APAF1: variants seen among roughly 807,000 people sequenced by gnomAD.
The protein encoded by APAF1 is apoptotic protease-activating factor 1.
Under a neutral mutation model 152.4 loss-of-function variants are expected in APAF1, and 91 were observed. The ratio of observed to expected loss-of-function variants is 0.60; its 90% CI spans 0.50 to 0.71. APAF1 has a LOEUF of 0.71. Among genes scored for constraint, APAF1 ranks in the 30% least tolerant of loss-of-function variants. The pLI, the probability that APAF1 is intolerant of heterozygous loss-of-function variation, is 0.00. For missense variants in APAF1, 1,283 were observed against 1,472.0 expected (o/e 0.87, Z 2.10); for synonymous variants, 484 against 494.1 (o/e 0.98, Z 0.27).
rs775507125 is a variant in APAF1, at chr12:98,662,491, G to C, written c.746G>C (p.Trp249Ser). The change falls in exon 6 of 27, where the codon TGG (tryptophan) becomes TCG (serine). Residue 249 changes from tryptophan to serine, a missense_variant. Transcript: ENST00000551964. The part of the protein sequence containing the change: ...LLILDDVWDS[W>S]VLKAFDSQCQ... ...ATCTTGGATGATGTTTGGGACTCTTGGGTGTTGAAAGCTTTTGACAGTCAG... is the reference window on the plus strand; with the variant it reads ...ATCTTGGATGATGTTTGGGACTCTTCGGTGTTGAAAGCTTTTGACAGTCAG... 1.7e-5 allele frequency: 28 copies of C among 1,613,392 alleles called. No homozygotes were observed. Among genetic ancestry groups the C allele is most frequent in the Non-Finnish European group, 2.2e-5 (26 of 1,179,678 alleles).
chr12:98,689,216 A>T (rs1045609845), intron 16 of APAF1, among the ~76,000 whole-genome samples: 17 of 152,198 alleles, frequency 1.1e-4, no homozygotes, highest in African/African-American at 4.1e-4. Context: ...TCATTCTGCC[A>T]CATCCTTTCC....
chr12:98,666,457 G>C, intron 9 of APAF1, 100 bp downstream of exon 9: 2 of 1,155,766 alleles, frequency 1.7e-6, no homozygotes, highest in African/African-American at 1.6e-5. Flanking sequence ...CTGTGCATAA[G>C]TCCTTCACCT....
At chr12:98,719,573 C>T (rs913316513) in intron 22 of APAF1, among the ~76,000 whole-genome samples, 23 of 150,832 alleles carry the variant, frequency 1.5e-4, no homozygotes, top group Non-Finnish European at 2.9e-4. Context: ...AGGATGGTCT[C>T]GATCTCTTGA....
chr12:98,667,013 G>A (rs2097673732), intron 9 of APAF1, among the ~76,000 whole-genome samples: 1 of 151,832 alleles, frequency 6.6e-6, no homozygotes, highest in Non-Finnish European at 1.5e-5. Flanking sequence ...TTTATTATGG[G>A]TGATGTTAAT....
chr12:98,669,684 C>A (rs929858623), intron 10 of APAF1, among the ~76,000 whole-genome samples: 1 of 152,136 alleles, frequency 6.6e-6, no homozygotes, highest in Non-Finnish European at 1.5e-5. Context: ...GCATATTCAT[C>A]TGGTTATTTT....
chr12:98,708,004 T>C (rs1333998363), intron 19 of APAF1, among the ~76,000 whole-genome samples: 1 of 152,182 alleles, frequency 6.6e-6, no homozygotes, highest in African/African-American at 2.4e-5. Context: ...TGGAGTGCAA[T>C]GGCACTATCT....
In APAF1 at chr12:98,666,220, G is replaced by C. The variant is rs2097672553; in HGVS notation, c.1225G>C (p.Glu409Gln). 1 of 1,613,826 alleles carries C rather than the reference G, an allele frequency of 6.2e-7. No individual in the cohort carries two copies. Among genetic ancestry groups the C allele is most frequent in the African/African-American group, 1.3e-5 (1 of 74,896 alleles). The change falls in exon 9 of 27, where the codon GAA (glutamate) becomes CAA (glutamine). Residue 409 changes from glutamate to glutamine, a missense_variant. Glu to Gln is a conservative substitution (Grantham distance 29). Transcript: ENST00000551964. ...VLCILWDMET[E>Q]EVEDILQEFV... ...ATGTATTCTCTGGGACATGGAAACTGAAGAAGTTGAAGACATACTGCAGGA... is the reference window on the plus strand; with the variant it reads ...ATGTATTCTCTGGGACATGGAAACTCAAGAAGTTGAAGACATACTGCAGGA...
In APAF1 at chr12:98,666,188, A is replaced by G. The variant is rs2097672509; in HGVS notation, c.1195-2A>G. Reference sequence around the variant, plus strand: ...ATATTAAATACTTACAACAATTCCTAGGTGTTATGTATTCTCTGGGACATG... The same window carrying G: ...ATATTAAATACTTACAACAATTCCTGGGTGTTATGTATTCTCTGGGACATG... On this transcript the variant is annotated splice_acceptor_variant, in intron 8 of 26. Transcript: ENST00000551964. LOFTEE classifies it high-confidence loss of function. 6.2e-7 allele frequency: 1 copy of G among 1,613,252 alleles called. No homozygotes were observed. The highest frequency in any genetic ancestry group is 8.5e-7 in the Non-Finnish European group (1 of 1,179,332).
Position 98,677,561 on chromosome 12 carries a change from A to G in APAF1, c.1920+10A>G, listed in dbSNP as rs751102050. The G allele has an allele frequency of 1.2e-6, 2 of 1,613,982 alleles. No homozygotes were observed. Among genetic ancestry groups the G allele is most frequent in the East Asian group, 4.5e-5 (2 of 44,888 alleles). ...TGATAAAACCTTACAGGTAAAACACATCTCTTGAGAAAAATGCAAAGAGGC... is the reference window on the plus strand; with the variant it reads ...TGATAAAACCTTACAGGTAAAACACGTCTCTTGAGAAAAATGCAAAGAGGC... On this transcript the variant is annotated intron_variant, in intron 13 of 26. Transcript: ENST00000551964.
chr12:98,722,683 T>C lies in APAF1; in HGVS notation c.3085-510T>C, dbSNP rs141253527. ...AACAATGCCTTCTCACTTCCGTCAT[T>C]TTGAGGATTGCGATGGGGGATAGCT... On this transcript the variant is annotated intron_variant, in intron 22 of 26. Coordinates refer to ENST00000551964, the MANE Select transcript of APAF1 (RefSeq NM_181861.2). Among the ~76,000 whole-genome samples, 139 of 152,212 alleles carry C rather than the reference T, an allele frequency of 9.1e-4. No homozygotes were observed. In the East Asian group the frequency reaches 0.023, roughly 26 times the overall value.
chr12:98,717,629 G>A (rs1198695880), intron 22 of APAF1, among the ~76,000 whole-genome samples: 1 of 152,046 alleles, frequency 6.6e-6, no homozygotes, highest in Non-Finnish European at 1.5e-5. Context: ...ACCCACCTTG[G>A]CCTCCCAATG....
At chr12:98,695,249 C>T (rs1176359451) in intron 16 of APAF1, among the ~76,000 whole-genome samples, 4 of 152,022 alleles carry the variant, frequency 2.6e-5, no homozygotes, top group Admixed American at 6.6e-5. Context: ...GACGGGATTT[C>T]ACCATGTTGG....
At position 98,648,834 on chromosome 12, in the gene APAF1, T is replaced by G. The variant is rs763317313; in HGVS notation, c.328+19T>G. The G allele has an allele frequency of 1.2e-6, 2 of 1,606,834 alleles. No individual in the cohort carries two copies. Among genetic ancestry groups the G allele is most frequent in the Non-Finnish European group, 1.7e-6 (2 of 1,173,990 alleles). On this transcript the variant is annotated intron_variant, in intron 3 of 26. Transcript: ENST00000551964. The stretch of plus-strand genomic sequence containing the variant: ...TCGTATGGTTTGTATCCATTATACC[T>G]TCTATCACTTTGCTATCAAAATTGC...
chr12:98,653,136 G>T (rs1247091543), intron 4 of APAF1, among the ~76,000 whole-genome samples: 1 of 151,360 alleles, frequency 6.6e-6, no homozygotes, highest in African/African-American at 2.4e-5. Context: ...GCCTTTGTAT[G>T]TCCACTAATT....
rs748879722 is a variant in APAF1, at chr12:98,671,539, G to C, written c.1613G>C (p.Cys538Ser). Residue 538 changes from cysteine (C) to serine (S), a missense_variant, in exon 12 of 27, where the codon TGT (cysteine) becomes TCT (serine). Cys to Ser is a moderately radical substitution (Grantham distance 112). Coordinates refer to ENST00000551964, the MANE Select transcript of APAF1 (RefSeq NM_181861.2). The part of the protein sequence containing the change: ...EYRHILDEKD[C>S]AVSENFQEFL... The stretch of plus-strand genomic sequence containing the variant: ...GAGATTTCAGTTTATTTGTAGGATT[G>C]TGCAGTCAGTGAGAATTTTCAGGAG... The C allele has an allele frequency of 2.5e-6, 4 of 1,613,720 alleles. No homozygotes were observed. The Admixed American group carries it at 5.0e-5, about 20-fold the overall frequency.
chr12:98,719,366 TTTTTG>T (rs1281396892), intron 22 of APAF1, among the ~76,000 whole-genome samples: 124 of 152,278 alleles, frequency 8.1e-4, no homozygotes, highest in Non-Finnish European at 1.4e-3. Flanking sequence ...TCTTTTCTTT[TTTTTG>T]AGACAGTCTT....
chr12:98,722,538 G>GTGCT (rs2097744458), intron 22 of APAF1, among the ~76,000 whole-genome samples: 1 of 152,116 alleles, frequency 6.6e-6, no homozygotes, highest in Non-Finnish European at 1.5e-5. Context: ...ATAAACTTCT[G>GTGCT]TGTACCTCTG....
intron 16 of APAF1, among the ~76,000 whole-genome samples, chr12:98,690,826 C>T (rs1385718127): frequency 2.0e-5 from 3 of 152,104 alleles, no homozygotes; most frequent in Non-Finnish European, 4.4e-5. Flanking sequence ...GGATTAAAAC[C>T]ATCCACCAAG....
chr12:98,692,186 C>T (rs1282216542), intron 16 of APAF1, among the ~76,000 whole-genome samples: 1 of 151,872 alleles, frequency 6.6e-6, no homozygotes, highest in African/African-American at 2.4e-5. Flanking sequence ...GGGTTCATGC[C>T]ATTCTCCTGC....
Sources: allele counts gnomAD v4.1 joint callset (sites outside exome capture counted in the v4.1 genomes callset), GRCh38; gene constraint gnomAD v4.1.1; transcripts MANE v1.5; gene names NCBI Gene and HGNC (gene_info 2026-07-23, HGNC 2026-07-21).